The following COL25A1 variants were observed in gnomAD, a reference collection of about 807,000 sequenced individuals.
COL25A1 encodes the protein collagen type XXV alpha 1 chain, also known as collagen alpha-1(XXV) chain.
In COL25A1, 103 loss-of-function variants were observed where a neutral mutation model predicts 128.4. The ratio of observed to expected loss-of-function variants is 0.80; its 90% CI spans 0.68 to 0.94. COL25A1 has a LOEUF of 0.94. Ranked by LOEUF, COL25A1 falls within the 40% of genes least tolerant of loss-of-function variation. COL25A1 has a pLI of 0.00. For synonymous variants in COL25A1, 279 were observed against 277.2 expected (o/e 1.01, Z -0.06); for missense variants, 745 against 840.0 (o/e 0.89, Z 1.40).
chr4:108,915,687 G>A (rs1744798790), intron 13 of COL25A1, among the ~76,000 whole-genome samples: 1 of 152,034 alleles, frequency 6.6e-6, no homozygotes, highest in African/African-American at 2.4e-5. Context: ...ACCCCAAGTA[G>A]CTGGATATTA....
intron 5 of COL25A1, among the ~76,000 whole-genome samples, chr4:109,012,693 C>G (rs114084351): frequency 6.6e-6 from 1 of 152,156 alleles, no homozygotes. Flanking sequence ...GAATTCTCAC[C>G]GGGCCTCAGC....
At chr4:108,987,844 T>C (rs1446669108) in intron 6 of COL25A1, among the ~76,000 whole-genome samples, 5 of 152,342 alleles carry the variant, frequency 3.3e-5, no homozygotes, top group Admixed American at 6.5e-5. Context: ...ATAGCAATCA[T>C]TGATGACTCA....
Position 109,210,257 on chromosome 4 carries a change from T to G in COL25A1, c.367+90326A>C, listed in dbSNP as rs945822794. 4.6e-5 allele frequency among the ~76,000 whole-genome samples: 7 copies of G among 152,152 alleles called. No individual in the cohort carries two copies. The South Asian group carries it at 1.5e-3, about 32-fold the overall frequency. On this transcript the variant is annotated intron_variant, in intron 3 of 37. Coordinates refer to ENST00000399132, the MANE Select transcript of COL25A1 (RefSeq NM_198721.4). ...CAATATGGTTGTCAAAAAACTCCAT[T>G]TTATATTGAATAACTGTAATGTTTT...
rs770750106 is a variant in COL25A1, at chr4:109,207,662, A to G, written c.367+92921T>C. Among the ~76,000 whole-genome samples, 73 of 152,324 alleles carry G rather than the reference A, an allele frequency of 4.8e-4. 1 individual carries two copies. Among genetic ancestry groups the G allele is most frequent in the Admixed American group, 1.2e-3 (19 of 15,288 alleles). On this transcript the variant is annotated intron_variant, in intron 3 of 37. Coordinates refer to ENST00000399132, the MANE Select transcript of COL25A1 (RefSeq NM_198721.4). ...AGAAATGACAAGTTTTGAAATAAGC[A>G]CTACACATTGCCCCATAATTCAAAA...
intron 3 of COL25A1, among the ~76,000 whole-genome samples, chr4:109,069,615 G>T (rs189006444): frequency 3.9e-5 from 6 of 152,202 alleles, no homozygotes; most frequent in Non-Finnish European, 7.3e-5. Context: ...GAAGTCAAAA[G>T]CTGAATGGCA....
At chr4:109,169,494 A>G (rs2126129228) in intron 3 of COL25A1, among the ~76,000 whole-genome samples, 1 of 152,276 alleles carries the variant, frequency 6.6e-6, no homozygotes, top group South Asian at 2.1e-4. Context: ...GTGTTTGCAT[A>G]TATCTATATC....
intron 8 of COL25A1, among the ~76,000 whole-genome samples, chr4:108,948,014 AC>A (rs1748979105): frequency 6.6e-6 from 1 of 152,220 alleles, no homozygotes; most frequent in African/African-American, 2.4e-5. Context: ...GCATTACAAC[AC>A]GACCATCACA....
intron 26 of COL25A1, among the ~76,000 whole-genome samples, chr4:108,850,161 C>T (rs1169360940): frequency 2.0e-5 from 3 of 152,110 alleles, no homozygotes; most frequent in African/African-American, 7.2e-5. Flanking sequence ...AAAAGGAAAA[C>T]ATAATTCATG....
chr4:109,089,857 G>A (rs919707448), intron 3 of COL25A1, among the ~76,000 whole-genome samples: 3 of 151,906 alleles, frequency 2.0e-5, no homozygotes, highest in East Asian at 1.9e-4. Context: ...TGCCTGACTC[G>A]GCTTCCAAAA....
chr4:108,925,767 T>C (rs1168320557), intron 11 of COL25A1, among the ~76,000 whole-genome samples: 1 of 152,190 alleles, frequency 6.6e-6, no homozygotes, highest in Non-Finnish European at 1.5e-5. Context: ...GCTGGCCTAT[T>C]CTAATAGCCT....
chr4:109,082,219 C>T (rs2881133), intron 3 of COL25A1, among the ~76,000 whole-genome samples: 35,195 of 152,114 alleles, frequency 0.23, 5,259 homozygotes, highest in African/African-American at 0.4. Flanking sequence ...TGATGGACAT[C>T]TGAGCTGTTT....
intron 5 of COL25A1, among the ~76,000 whole-genome samples, chr4:109,021,138 G>T (rs78829603): frequency 6.6e-6 from 1 of 152,170 alleles, no homozygotes; most frequent in African/African-American, 2.4e-5. Context: ...TTTGGATATG[G>T]TGTTTTGTAT....
rs571990835 is a variant in COL25A1 at position 108,829,502 on chromosome 4, AG to A, written c.1711-2315del. Among the ~76,000 whole-genome samples the A allele has an allele frequency of 6.8e-4, 103 of 152,010 alleles. 1 individual carries two copies. The highest frequency in any genetic ancestry group is 4.3e-3 in the Admixed American group (65 of 15,282). On this transcript the variant is annotated intron_variant, in intron 32 of 37. Coordinates refer to ENST00000399132, the MANE Select transcript of COL25A1 (RefSeq NM_198721.4). ...CGTGTAGTGGGAGGTGAGAGTTTTA[AG>A]GGAGGAGCCACATAAACTGGACTAT... is the stretch of plus-strand genomic sequence containing the variant.
chr4:108,869,079 C>T lies in COL25A1; in HGVS notation c.1083+9G>A, dbSNP rs1179291747. ...AGAAAGAAAGAAGGAAAGAAAGAGG[C>T]CCACTTACTTTTGTTCCTGGTAAAC... On this transcript the variant is annotated intron_variant, in intron 20 of 37. Transcript: ENST00000399132. 2 of 1,549,948 alleles carry T rather than the reference C, an allele frequency of 1.3e-6. No homozygotes were observed. Among genetic ancestry groups the T allele is most frequent in the Admixed American group, 3.7e-5 (2 of 53,654 alleles).
chr4:109,291,165 C>G (rs1401453882), intron 3 of COL25A1, among the ~76,000 whole-genome samples: 2 of 152,150 alleles, frequency 1.3e-5, no homozygotes, highest in Non-Finnish European at 2.9e-5. Context: ...GCTACTCATA[C>G]AGTAAACAGT....
chr4:109,151,006 T>C (rs972773342), intron 3 of COL25A1, among the ~76,000 whole-genome samples: 1 of 152,110 alleles, frequency 6.6e-6, no homozygotes, highest in Non-Finnish European at 1.5e-5. Context: ...TGAAAATTAA[T>C]TAGTTATAAC....
At chr4:109,301,213 A>T (rs867214111) in intron 2 of COL25A1, among the ~76,000 whole-genome samples, 40 of 145,248 alleles carry the variant, frequency 2.8e-4, no homozygotes, top group African/African-American at 8.9e-4. Flanking sequence ...AAGCTACTTT[A>T]AAAAAAAAAA....
intron 3 of COL25A1, among the ~76,000 whole-genome samples, chr4:109,210,524 T>G (rs1777411856): frequency 6.6e-6 from 1 of 152,158 alleles, no homozygotes; most frequent in African/African-American, 2.4e-5. Flanking sequence ...ACAGACAAAA[T>G]TGCAATGTGA....
chr4:109,009,035 T>A (rs1294171423), intron 6 of COL25A1, among the ~76,000 whole-genome samples: 1 of 152,074 alleles, frequency 6.6e-6, no homozygotes, highest in Non-Finnish European at 1.5e-5. Flanking sequence ...GACAGGAGAA[T>A]CACTTGAACC....
Sources: allele counts gnomAD v4.1 joint callset (sites outside exome capture counted in the v4.1 genomes callset), GRCh38; gene constraint gnomAD v4.1.1; transcripts MANE v1.5; gene names NCBI Gene and HGNC (gene_info 2026-07-23, HGNC 2026-07-21).